TRIM36: variants seen among roughly 807,000 people sequenced by gnomAD.
The protein encoded by TRIM36 is E3 ubiquitin-protein ligase TRIM36.
Under a neutral mutation model 72.4 loss-of-function variants are expected in TRIM36, and 42 were observed. That is an observed-to-expected ratio of 0.58 (90% CI 0.45 to 0.75). TRIM36 has a LOEUF of 0.75. TRIM36 is among the 30% of genes least tolerant of loss of function. The pLI, the probability that TRIM36 is intolerant of heterozygous loss-of-function variation, is 0.00. For synonymous variants in TRIM36, 315 were observed against 282.8 expected (o/e 1.11, Z -1.14); for missense variants, 913 against 857.1 (o/e 1.07, Z -0.81).
intron 4 of TRIM36, 150 bp downstream of exon 4, chr5:115,144,448 A>C (rs1753464241): frequency 1.1e-6 from 1 of 927,298 alleles, no homozygotes; most frequent in Non-Finnish European, 1.6e-6. Context: ...AAATACTAAC[A>C]ACCTAATATT....
At position 115,137,509 on chromosome 5, in the gene TRIM36, CT is replaced by C; in HGVS notation, c.938del (p.Lys313ArgfsTer3). On this transcript the variant is annotated frameshift_variant, in exon 6 of 10. Transcript: ENST00000513154. LOFTEE classifies it high-confidence loss of function. ...SSVLKAIDSS[K>X]KLRLDKFQTQ... ...TCTGAAATTTGTCTAATCTTAGTTT[CT>C]TAGAGGAGTCAATTGCTTTCAAAAC... The C allele has an allele frequency of 6.2e-7, 1 of 1,614,102 alleles. No individual in the cohort carries two copies. The highest frequency in any genetic ancestry group is 8.5e-7 in the Non-Finnish European group (1 of 1,179,990).
At chr5:115,147,478 A>T in intron 2 of TRIM36, 84 bp from the exon 3 acceptor site, 1 of 1,394,768 alleles carries the variant, frequency 7.2e-7, no homozygotes, top group Non-Finnish European at 9.9e-7. Context: ...TCTTAGAGAC[A>T]TATCTACAAA....
upstream of TRIM36, among the ~76,000 whole-genome samples, chr5:115,174,661 C>G (rs1291491045): frequency 1.3e-5 from 2 of 152,188 alleles, no homozygotes; most frequent in African/African-American, 2.4e-5. Context: ...ACTTCTGGAG[C>G]CTCCTTTATT....
intron 2 of TRIM36, among the ~76,000 whole-genome samples, chr5:115,154,688 T>C (rs1754081003): frequency 6.6e-6 from 1 of 152,190 alleles, no homozygotes; most frequent in African/African-American, 2.4e-5. Context: ...ATTGAAATGG[T>C]AATTTAAAAA....
chr5:115,167,065 G>A (rs1360729607), intron 1 of TRIM36, among the ~76,000 whole-genome samples: 1 of 152,212 alleles, frequency 6.6e-6, no homozygotes, highest in South Asian at 2.1e-4. Context: ...GCTGGGTCAA[G>A]TGGGCAGAAC....
intron 2 of TRIM36, among the ~76,000 whole-genome samples, chr5:115,156,306 A>C (rs947623687): frequency 3.3e-5 from 5 of 152,176 alleles, no homozygotes; most frequent in Non-Finnish European, 7.3e-5. Context: ...AAATTAAAAA[A>C]AAAAAATTCT....
At chr5:115,168,910 T>A (rs534206021) in intron 1 of TRIM36, 1 of 152,366 alleles carries the variant, frequency 6.6e-6, no homozygotes, top group South Asian at 2.1e-4. Context: ...TTCTTGTACA[T>A]AAAGCAGTGT....
In TRIM36 at chr5:115,161,280, A is replaced by G. The variant is rs1342347815; in HGVS notation, c.262+2238T>C. On this transcript the variant is annotated intron_variant, in intron 2 of 9. Coordinates refer to ENST00000513154, the MANE Select transcript of TRIM36 (RefSeq NM_001300759.2). ...TATCTGGTAACCAGCAGGTGCTCAAATATTTGTTGAATGAATGAATGAATG... is the reference window on the plus strand; with the variant it reads ...TATCTGGTAACCAGCAGGTGCTCAAGTATTTGTTGAATGAATGAATGAATG... Among the ~76,000 whole-genome samples the G allele has an allele frequency of 3.3e-5, 5 of 152,200 alleles. No individual in the cohort carries two copies. The East Asian group carries it at 9.6e-4, about 29-fold the overall frequency.
chr5:115,143,233 A>C (rs1753378325), intron 4 of TRIM36, among the ~76,000 whole-genome samples: 1 of 150,424 alleles, frequency 6.6e-6, no homozygotes, highest in Non-Finnish European at 1.5e-5. Context: ...AAAAAAAAAA[A>C]AAAAAAAAAA....
chr5:115,139,778 G>A (rs149614247), intron 5 of TRIM36, among the ~76,000 whole-genome samples: 14 of 152,292 alleles, frequency 9.2e-5, no homozygotes, highest in African/African-American at 3.4e-4. Flanking sequence ...TACAACTTAG[G>A]CAAATGATAC....
intron 2 of TRIM36, among the ~76,000 whole-genome samples, chr5:115,161,579 C>T (rs1754484364): frequency 6.6e-6 from 1 of 152,210 alleles, no homozygotes; most frequent in African/African-American, 2.4e-5. Context: ...ACAGATTTCA[C>T]ATGGAAACCA....
chr5:115,137,495 T>C lies in TRIM36; in HGVS notation c.953A>G (p.Asp318Gly), dbSNP rs1265174696. The C allele has an allele frequency of 6.2e-7, 1 of 1,614,182 alleles. No individual in the cohort carries two copies. ...AIDSSKKLRL[D>G]KFQTQMEEYQ... is the part of the protein sequence containing the mutation. ...CTCTTCCATTTGAGTCTGAAATTTG[T>C]CTAATCTTAGTTTCTTAGAGGAGTC... Residue 318 changes from aspartate to glycine, a missense_variant, in exon 6 of 10, where the codon GAC (aspartate) becomes GGC (glycine). Coordinates refer to ENST00000513154, the MANE Select transcript of TRIM36 (RefSeq NM_001300759.2).
At chr5:115,142,993 T>C (rs1753355906) in intron 4 of TRIM36, among the ~76,000 whole-genome samples, 1 of 152,066 alleles carries the variant, frequency 6.6e-6, no homozygotes, top group African/African-American at 2.4e-5. Flanking sequence ...CCATAGGTTA[T>C]AAGGCATGTA....
chr5:115,169,484 C>T, intron 1 of TRIM36, 124 bp downstream of exon 1: 4 of 1,057,544 alleles, frequency 3.8e-6, no homozygotes, highest in Admixed American at 6.0e-5. Flanking sequence ...AAGCGGGATC[C>T]CCACACGCCT....
In TRIM36 at chr5:115,141,479, T is replaced by G. The variant is rs374036027; in HGVS notation, c.736-105A>C. ...AGGACTCATCCTCTTCTACAGCCTC[T>G]GATAAACATAATAAAATCAACTATG... On this transcript the variant is annotated intron_variant, in intron 4 of 9. Coordinates refer to ENST00000513154, the MANE Select transcript of TRIM36 (RefSeq NM_001300759.2). 3.9e-5 allele frequency: 22 copies of G among 571,168 alleles called. No homozygotes were observed. The South Asian group carries it at 6.1e-4, about 16-fold the overall frequency. 35.4% of individuals were successfully genotyped at this position (571,168 alleles called of 1,614,324 possible). A position where few individuals can be genotyped will look rare whatever the true frequency, so the allele number is the denominator to read the frequency against.
chr5:115,169,458 G>A (rs1250606110), intron 1 of TRIM36, 150 bp downstream of exon 1: 8 of 885,644 alleles, frequency 9.0e-6, no homozygotes, highest in Non-Finnish European at 1.3e-5. Context: ...GCCCCGGGCG[G>A]GAGAAGGCGA....
intron 1 of TRIM36, among the ~76,000 whole-genome samples, chr5:115,176,340 A>G (rs985912260): frequency 6.6e-6 from 1 of 152,100 alleles, no homozygotes; most frequent in Non-Finnish European, 1.5e-5. Flanking sequence ...TTCAGAGTGT[A>G]AGTGTCTTCT....
chr5:115,146,685 G>A (rs1347675005), intron 3 of TRIM36, among the ~76,000 whole-genome samples: 2 of 151,988 alleles, frequency 1.3e-5, no homozygotes, highest in South Asian at 2.1e-4. Flanking sequence ...AATATGTTTC[G>A]CAGTCAAACC....
chr5:115,135,203 G>C (rs1299797738), intron 7 of TRIM36, among the ~76,000 whole-genome samples: 1 of 152,096 alleles, frequency 6.6e-6, no homozygotes, highest in Non-Finnish European at 1.5e-5. Context: ...CATATGCTAA[G>C]AACAATACGC....
Sources: gnomAD v4.1 joint callset for allele counts (sites outside exome capture counted in the v4.1 genomes callset) on GRCh38, gnomAD v4.1.1 for gene constraint, MANE v1.5 for transcripts, NCBI Gene and HGNC (gene_info 2026-07-23, HGNC 2026-07-21) for gene names.